Variants in CAGE1 observed in about 807,000 individuals in gnomAD.
CAGE1 encodes cancer-associated gene 1 protein.
A neutral mutation model predicts 94.9 loss-of-function variants in CAGE1; 66 were observed. The ratio of observed to expected loss-of-function variants is 0.70; its 90% CI spans 0.57 to 0.85. The LOEUF is 0.85. CAGE1 is among the 40% of genes least tolerant of loss of function. The pLI, the probability that CAGE1 is intolerant of heterozygous loss-of-function variation, is 0.00. For synonymous variants in CAGE1, 319 were observed against 321.0 expected (o/e 0.99, Z 0.07); for missense variants, 865 against 950.4 (o/e 0.91, Z 1.18).
chr6:7,377,813 C>T (rs950127524), intron 4 of CAGE1, among the ~76,000 whole-genome samples: 1 of 152,130 alleles, frequency 6.6e-6, no homozygotes, highest in South Asian at 2.1e-4. Context: ...TTTTCCCATA[C>T]CAATTCCTAG....
chr6:7,389,529 A>G lies in CAGE1; in HGVS notation c.-351T>C. On this transcript the variant is annotated 5_prime_UTR_variant, in exon 1 of 14. Coordinates refer to ENST00000502583, the MANE Select transcript of CAGE1 (RefSeq NM_001170692.2). ...TACTGTGGGTGCGGTGTCTTCCCAG[A>G]GAGTGGTGAAGTTAGGAAGGTACGA... The G allele has an allele frequency of 2.9e-6, 1 of 350,578 alleles. No individual in the cohort carries two copies. Among genetic ancestry groups the G allele is most frequent in the Non-Finnish European group, 5.7e-6 (1 of 176,214 alleles). The allele number at this position is 350,578 out of a possible 1,614,324, so 21.7% of individuals were successfully genotyped here. A position where few individuals can be genotyped will look rare whatever the true frequency, so the allele number is the denominator to read the frequency against.
intron 3 of CAGE1, among the ~76,000 whole-genome samples, chr6:7,384,886 C>T (rs540324596): frequency 8.0e-4 from 121 of 152,154 alleles, no homozygotes; most frequent in African/African-American, 2.7e-3. Context: ...TTAGTAGAGA[C>T]GGGGTTTCGT....
Position 7,340,980 on chromosome 6 carries a change from T to C in CAGE1, c.2370-6890A>G, listed in dbSNP as rs7755595. On this transcript the variant is annotated intron_variant, in intron 11 of 13. Transcript: ENST00000502583. ...TTTGCCACAGGATAACAACAGCTTGTTGTCCAGGAAGCGGAGAGAGGAGCT... is the reference window on the plus strand; with the variant it reads ...TTTGCCACAGGATAACAACAGCTTGCTGTCCAGGAAGCGGAGAGAGGAGCT... 2,130 of 440,832 alleles carry C rather than the reference T, an allele frequency of 4.8e-3. 32 individuals are homozygous for C. Among genetic ancestry groups the C allele is most frequent in the African/African-American group, 0.039 (1,919 of 48,972 alleles). The allele number at this position is 440,832 out of a possible 1,614,324, so 27.3% of individuals were successfully genotyped here. A position where few individuals can be genotyped will look rare whatever the true frequency, so the allele number is the denominator to read the frequency against.
intron 6 of CAGE1, 149 bp from the exon 7 acceptor site, chr6:7,368,947 A>G (rs1284929925): frequency 5.4e-6 from 3 of 553,180 alleles, no homozygotes; most frequent in Non-Finnish European, 6.3e-6. Flanking sequence ...CCATTCCTCA[A>G]TTACTTATCA....
chr6:7,345,984 C>CT (rs1334491212), intron 11 of CAGE1, among the ~76,000 whole-genome samples: 3 of 152,130 alleles, frequency 2.0e-5, no homozygotes, highest in Admixed American at 6.5e-5. Context: ...ACCTCAAACT[C>CT]TATTAAATTT....
At position 7,373,584 on chromosome 6, in the gene CAGE1, T is replaced by A; in HGVS notation, c.1235A>T (p.Lys412Met). The A allele has an allele frequency of 6.2e-7, 1 of 1,613,482 alleles. No homozygotes were observed. ...TAAACACACATAATTAGCCTTGATC[T>A]TCTTAAATTGAAGCTGTAACATTTC... is the stretch of plus-strand genomic sequence containing the variant. ...DKEMLQLQFK[K>M]IKANYVCLQE... Residue 412 changes from lysine (K) to methionine (M), a missense_variant, in exon 5 of 14, where the codon AAG becomes ATG. By Grantham distance (95) the Lys-to-Met change is moderately conservative (BLOSUM62 -1). Coordinates refer to ENST00000502583, the MANE Select transcript of CAGE1 (RefSeq NM_001170692.2).
intron 11 of CAGE1, chr6:7,341,541 A>G (rs149643342): frequency 4.1e-6 from 5 of 1,226,744 alleles, no homozygotes; most frequent in Middle Eastern, 3.9e-4. Flanking sequence ...TGATTAGCAC[A>G]AGGCCTCGGA....
intron 3 of CAGE1, among the ~76,000 whole-genome samples, chr6:7,381,879 C>A (rs1380527119): frequency 6.9e-6 from 1 of 144,206 alleles, no homozygotes; most frequent in Non-Finnish European, 1.5e-5. Flanking sequence ...CTCACTCTGT[C>A]CCCAGGCTGG....
chr6:7,354,157 G>A (rs1451305641), intron 11 of CAGE1, among the ~76,000 whole-genome samples: 1 of 151,938 alleles, frequency 6.6e-6, no homozygotes, highest in South Asian at 2.1e-4. Flanking sequence ...CAAAATGATA[G>A]TTTGATATTA....
intron 11 of CAGE1, among the ~76,000 whole-genome samples, chr6:7,347,035 A>G (rs967776574): frequency 1.3e-5 from 2 of 152,176 alleles, no homozygotes; most frequent in African/African-American, 4.8e-5. Context: ...GCCCTGCAGA[A>G]TATTTACATT....
intron 3 of CAGE1, among the ~76,000 whole-genome samples, chr6:7,385,036 G>T (rs544607509): frequency 6.6e-6 from 1 of 151,112 alleles, no homozygotes; most frequent in South Asian, 2.1e-4. Context: ...ATGGAGTTTC[G>T]CTCTTGTTGC....
intron 11 of CAGE1, chr6:7,341,667 C>T (rs968619141): frequency 6.9e-6 from 5 of 727,408 alleles, no homozygotes; most frequent in Admixed American, 1.8e-5. Flanking sequence ...CAGGAATCAA[C>T]TCAACCTTCA....
chr6:7,350,979 CT>C (rs1759747283), intron 11 of CAGE1, among the ~76,000 whole-genome samples: 1 of 151,878 alleles, frequency 6.6e-6, no homozygotes, highest in East Asian at 1.9e-4. Context: ...AAAGCTGGTT[CT>C]TTGAAAAGAT....
At chr6:7,378,271 A>G (rs998082449) in intron 4 of CAGE1, among the ~76,000 whole-genome samples, 3 of 152,214 alleles carry the variant, frequency 2.0e-5, no homozygotes, top group Non-Finnish European at 4.4e-5. Context: ...GAGGGTGAGT[A>G]AGACAGTCCT....
chr6:7,374,013 G>C lies in CAGE1; in HGVS notation c.806C>G (p.Ser269Cys). The C allele has an allele frequency of 1.9e-6, 3 of 1,614,012 alleles. No individual in the cohort carries two copies. The highest frequency in any genetic ancestry group is 2.5e-6 in the Non-Finnish European group (3 of 1,179,892). Reference sequence around the variant, plus strand: ...ACTCCTCCAGGAAATGCCTGCCGAAGACCAAGTTGAGACAATTTCTGGCCT... The same window carrying C: ...ACTCCTCCAGGAAATGCCTGCCGAACACCAAGTTGAGACAATTTCTGGCCT... ...VERPEIVSTW[S>C]SAGISWRSEA... Residue 269 changes from serine to cysteine, a missense_variant, in exon 5 of 14, where the codon TCT (serine) becomes TGT (cysteine). Coordinates refer to ENST00000502583, the MANE Select transcript of CAGE1 (RefSeq NM_001170692.2).
chr6:7,338,874 C>G (rs1759062525), intron 11 of CAGE1: 3 of 1,523,588 alleles, frequency 2.0e-6, no homozygotes, highest in Non-Finnish European at 2.7e-6. Flanking sequence ...GCAGGAGGCT[C>G]TGGCTTCCCA....
At chr6:7,367,762 G>C (rs1003486431) in intron 7 of CAGE1, among the ~76,000 whole-genome samples, 8 of 152,152 alleles carry the variant, frequency 5.3e-5, no homozygotes, top group Admixed American at 5.2e-4. Context: ...GTTACAGAAT[G>C]AATTTGTTAT....
At chr6:7,369,480 C>A (rs1421505537) in intron 6 of CAGE1, among the ~76,000 whole-genome samples, 1 of 152,186 alleles carries the variant, frequency 6.6e-6, no homozygotes, top group Non-Finnish European at 1.5e-5. Flanking sequence ...CTGACAGCAA[C>A]TTCACTTTTC....
chr6:7,327,227 A>G (rs957270851), intron 13 of CAGE1, among the ~76,000 whole-genome samples: 2 of 151,946 alleles, frequency 1.3e-5, no homozygotes, highest in African/African-American at 4.8e-5. Context: ...TATTTTTTGT[A>G]TTTTCAGTAG....
Sources: gnomAD v4.1 joint callset for allele counts (sites outside exome capture counted in the v4.1 genomes callset) on GRCh38, gnomAD v4.1.1 for gene constraint, MANE v1.5 for transcripts, NCBI Gene and HGNC (gene_info 2026-07-23, HGNC 2026-07-21) for gene names.